Variants in C3orf20 observed in about 807,000 individuals in gnomAD.
The protein encoded by C3orf20 is uncharacterized protein C3orf20.
C3orf20 carries 76 observed loss-of-function variants against 88.3 expected under a neutral mutation model. The observed-to-expected ratio is 0.86, with a 90% CI of 0.72 to 1.04. C3orf20 has a LOEUF of 1.04. Ranked by LOEUF, C3orf20 falls within the 50% of genes least tolerant of loss-of-function variation. The pLI is 0.00. For synonymous variants in C3orf20, 436 were observed against 437.4 expected, an observed-to-expected ratio of 1.00 and a Z score of 0.04; for missense variants, 1,056 against 1,123.3, an observed-to-expected ratio of 0.94 and a Z score of 0.86.
At chr3:14,697,216 T>C (rs2033044926) in intron 5 of C3orf20, among the ~76,000 whole-genome samples, 1 of 152,178 alleles carries the variant, frequency 6.6e-6, no homozygotes, top group African/African-American at 2.4e-5. Context: ...TTGATATCTT[T>C]CTCTAGGTTT....
intron 12 of C3orf20, among the ~76,000 whole-genome samples, chr3:14,740,466 T>C (rs1488329228): frequency 6.6e-6 from 1 of 152,150 alleles, no homozygotes; most frequent in African/African-American, 2.4e-5. Flanking sequence ...ATAAGAGATA[T>C]AATAATAATA....
chr3:14,769,775 G>A (rs2035810938), intron 15 of C3orf20, among the ~76,000 whole-genome samples: 1 of 152,146 alleles, frequency 6.6e-6, no homozygotes, highest in Non-Finnish European at 1.5e-5. Context: ...GGATGGAAGA[G>A]GGTGAGGCTG....
intron 4 of C3orf20, 146 bp from the exon 5 acceptor site, chr3:14,689,851 C>T (rs2032627715): frequency 5.7e-6 from 6 of 1,059,960 alleles, no homozygotes; most frequent in Non-Finnish European, 8.2e-6. Flanking sequence ...AAATCTTCTT[C>T]CAAGATCTAG....
chr3:14,765,248 G>A (rs2035672253), intron 15 of C3orf20: 2 of 152,290 alleles, frequency 1.3e-5, no homozygotes, highest in Non-Finnish European at 2.9e-5. Context: ...GATCAGTTGT[G>A]CCCTTGAGGG....
At chr3:14,738,513 A>G (rs1274518544) in intron 12 of C3orf20, among the ~76,000 whole-genome samples, 2 of 148,768 alleles carry the variant, frequency 1.3e-5, no homozygotes, top group Non-Finnish European at 3.0e-5. Context: ...TATTTTTTTT[A>G]GTACAGATGG....
chr3:14,743,609 A>C (rs1166717654), intron 12 of C3orf20, among the ~76,000 whole-genome samples: 1 of 151,998 alleles, frequency 6.6e-6, no homozygotes, highest in Non-Finnish European at 1.5e-5. Context: ...TCCCTTCTGC[A>C]CTGCCCTAGC....
chr3:14,751,341 G>A (rs1050001070), intron 12 of C3orf20, among the ~76,000 whole-genome samples: 2 of 152,120 alleles, frequency 1.3e-5, no homozygotes, highest in African/African-American at 4.8e-5. Flanking sequence ...TTCCAACTAA[G>A]GTACCTGGTA....
chr3:14,708,222 C>A (rs2033601907), intron 7 of C3orf20, among the ~76,000 whole-genome samples: 1 of 152,172 alleles, frequency 6.6e-6, no homozygotes, highest in Admixed American at 6.5e-5. Flanking sequence ...GTTCCAATTT[C>A]TTTCCTTTGC....
chr3:14,730,968 C>T (rs2034524107), intron 12 of C3orf20, among the ~76,000 whole-genome samples: 2 of 152,208 alleles, frequency 1.3e-5, no homozygotes, highest in Admixed American at 1.3e-4. Flanking sequence ...TTCTTTTCCT[C>T]AGGGGATACT....
At chr3:14,711,672 AT>A (rs752775849) in intron 7 of C3orf20, among the ~76,000 whole-genome samples, 4 of 108,910 alleles carry the variant, frequency 3.7e-5, no homozygotes, top group Admixed American at 1.5e-4. Context: ...GTCTCGCTCT[AT>A]TGCCCAGGCT....
At chr3:14,750,005 A>C (rs1215277539) in intron 12 of C3orf20, among the ~76,000 whole-genome samples, 2 of 151,866 alleles carry the variant, frequency 1.3e-5, no homozygotes, top group Non-Finnish European at 2.9e-5. Context: ...AGAAAAAAAA[A>C]ACAAAAAAGT....
intron 7 of C3orf20, among the ~76,000 whole-genome samples, chr3:14,707,595 T>C (rs2033569537): frequency 6.6e-6 from 1 of 152,120 alleles, no homozygotes; most frequent in African/African-American, 2.4e-5. Context: ...TTACATATTG[T>C]GCATAGATAG....
At chr3:14,685,473 TCTCTCTCTGTGC>T (rs1262386683) in intron 4 of C3orf20, among the ~76,000 whole-genome samples, 109 of 109,472 alleles carry the variant, frequency 1.0e-3, no homozygotes, top group African/African-American at 3.9e-3. Context: ...TCTCTCTCTC[TCTCTCTCTGTGC>T]GTGCGTGCGT....
chr3:14,728,008 C>A (rs1001474199), intron 11 of C3orf20, among the ~76,000 whole-genome samples: 1 of 151,898 alleles, frequency 6.6e-6, no homozygotes, highest in Non-Finnish European at 1.5e-5. Context: ...GTAGGGAAAG[C>A]AAGACAAGAA....
At chr3:14,738,689 A>T (rs2034804321) in intron 12 of C3orf20, among the ~76,000 whole-genome samples, 1 of 125,724 alleles carries the variant, frequency 8.0e-6, no homozygotes, top group Non-Finnish European at 1.6e-5. Flanking sequence ...GCTGGAGTGC[A>T]ATGGCACATG....
chr3:14,705,097 C>T (rs754430318), intron 7 of C3orf20, among the ~76,000 whole-genome samples: 8 of 152,314 alleles, frequency 5.3e-5, no homozygotes, highest in Middle Eastern at 3.4e-3. Context: ...ACCCCAAATG[C>T]GCTATCTCCT....
At chr3:14,745,749 C>T (rs2035041476) in intron 12 of C3orf20, among the ~76,000 whole-genome samples, 1 of 152,074 alleles carries the variant, frequency 6.6e-6, no homozygotes, top group African/African-American at 2.4e-5. Context: ...AATATGTTAC[C>T]TTAGTATAGT....
intron 12 of C3orf20, among the ~76,000 whole-genome samples, chr3:14,755,886 A>G (rs1483697031): frequency 1.3e-5 from 2 of 151,764 alleles, no homozygotes; most frequent in Admixed American, 6.6e-5. Flanking sequence ...AAACTTAGCC[A>G]GGCGTGGTGG....
intron 7 of C3orf20, 61 bp from the exon 8 acceptor site, chr3:14,713,946 G>T: frequency 6.3e-7 from 1 of 1,589,592 alleles, no homozygotes; most frequent in South Asian, 1.1e-5. Context: ...TGCTTCAATG[G>T]GACAACTGAG....
Sources: allele counts gnomAD v4.1 joint callset (sites outside exome capture counted in the v4.1 genomes callset), GRCh38; gene constraint gnomAD v4.1.1; transcripts MANE v1.5; gene names NCBI Gene and HGNC (gene_info 2026-07-23, HGNC 2026-07-21).